NTM: variants seen among roughly 807,000 people sequenced by gnomAD.
The protein encoded by NTM is IgLON family member 2.
A neutral mutation model predicts 42.1 loss-of-function variants in NTM; 13 were observed. The observed-to-expected ratio is 0.31, with a 90% confidence interval of 0.20 to 0.49. The LOEUF (loss-of-function observed/expected upper bound fraction) is 0.49, where lower values mean the gene tolerates loss of function less well. Among genes scored for constraint, NTM ranks in the 20% least tolerant of loss-of-function variants. The pLI is 0.99. For synonymous variants in NTM, 187 were observed against 179.2 expected, an observed-to-expected ratio of 1.04 and a Z score of -0.35; for missense variants, 373 against 452.8, an observed-to-expected ratio of 0.82 and a Z score of 1.60.
At chr11:131,693,068 G>C (rs774267724) in intron 1 of NTM, among the ~76,000 whole-genome samples, 1 of 152,128 alleles carries the variant, frequency 6.6e-6, no homozygotes, top group African/African-American at 2.4e-5. Flanking sequence ...GGGCAGGCCT[G>C]CAGATGGGTG....
intron 1 of NTM, among the ~76,000 whole-genome samples, chr11:131,863,212 G>A (rs189392346): frequency 9.6e-4 from 146 of 152,318 alleles, no homozygotes; most frequent in African/African-American, 3.4e-3. Context: ...TGAAGAAAGG[G>A]GGAACTGGTG....
At chr11:131,532,599 G>A (rs970543516) in intron 1 of NTM, among the ~76,000 whole-genome samples, 1 of 152,150 alleles carries the variant, frequency 6.6e-6, no homozygotes, top group Non-Finnish European at 1.5e-5. Flanking sequence ...GGAAGAGCAG[G>A]GTCAAATGGT....
chr11:132,249,090 T>C (rs2091613058), intron 4 of NTM, among the ~76,000 whole-genome samples: 1 of 152,214 alleles, frequency 6.6e-6, no homozygotes, highest in Non-Finnish European at 1.5e-5. Flanking sequence ...TGACTGCACC[T>C]GTACCTCTGA....
intron 1 of NTM, among the ~76,000 whole-genome samples, chr11:131,390,502 T>C (rs995754466): frequency 6.6e-6 from 1 of 152,194 alleles, no homozygotes; most frequent in Non-Finnish European, 1.5e-5. Context: ...CCCCTACACT[T>C]GACCAGTGAT....
chr11:132,207,278 G>A (rs951790038), intron 3 of NTM, among the ~76,000 whole-genome samples: 17 of 152,132 alleles, frequency 1.1e-4, no homozygotes, highest in Non-Finnish European at 2.2e-4. Context: ...TGTCAGATCA[G>A]TGGCAGCATT....
intron 1 of NTM, among the ~76,000 whole-genome samples, chr11:131,884,272 G>A (rs1444456590): frequency 6.6e-6 from 1 of 152,114 alleles, no homozygotes; most frequent in Non-Finnish European, 1.5e-5. Context: ...AGCCGGACAT[G>A]GTGGTGCATG....
intron 1 of NTM, among the ~76,000 whole-genome samples, chr11:131,451,210 T>A (rs899306873): frequency 3.9e-5 from 6 of 152,206 alleles, no homozygotes; most frequent in Non-Finnish European, 8.8e-5. Context: ...ACTCTATGCC[T>A]ATATCCAAGT....
intron 1 of NTM, among the ~76,000 whole-genome samples, chr11:131,894,555 T>G (rs935900066): frequency 2.6e-5 from 4 of 152,100 alleles, no homozygotes; most frequent in African/African-American, 4.8e-5. Flanking sequence ...GAGAAATCAG[T>G]CAGATGTGCC....
intron 1 of NTM, among the ~76,000 whole-genome samples, chr11:131,411,175 G>A (rs1946359714): frequency 6.6e-6 from 1 of 152,106 alleles, no homozygotes; most frequent in South Asian, 2.1e-4. Flanking sequence ...ACTCCTCCTG[G>A]GGGTTTTAAT....
intron 1 of NTM, among the ~76,000 whole-genome samples, chr11:131,829,495 C>T (rs1480337738): frequency 2.0e-5 from 3 of 152,138 alleles, no homozygotes; most frequent in Non-Finnish European, 4.4e-5. Flanking sequence ...CAGCTGCATA[C>T]ATATTGCTGC....
intron 1 of NTM, among the ~76,000 whole-genome samples, chr11:131,601,543 G>T (rs1355405833): frequency 6.6e-6 from 1 of 151,706 alleles, no homozygotes; most frequent in African/African-American, 2.4e-5. Context: ...AGTTGAAGAG[G>T]GATTAGGGAC....
intron 4 of NTM, among the ~76,000 whole-genome samples, chr11:132,258,409 C>T (rs115022674): frequency 0.015 from 2,212 of 152,100 alleles, 45 homozygotes; most frequent in African/African-American, 0.05. Flanking sequence ...TCTAGGAGGT[C>T]GCTCGATGTT....
chr11:132,117,203 T>C (rs2064027784), intron 2 of NTM, among the ~76,000 whole-genome samples: 1 of 152,274 alleles, frequency 6.6e-6, no homozygotes. Context: ...CCTCTAGCAA[T>C]GCAAATGTTG....
intron 1 of NTM, among the ~76,000 whole-genome samples, chr11:131,667,430 G>C (rs2069266778): frequency 6.6e-6 from 1 of 152,152 alleles, no homozygotes; most frequent in African/African-American, 2.4e-5. Flanking sequence ...GCTCACCCTT[G>C]AATCCACCCT....
chr11:131,442,295 T>C (rs1021457578), intron 1 of NTM, among the ~76,000 whole-genome samples: 5 of 152,220 alleles, frequency 3.3e-5, no homozygotes, highest in Non-Finnish European at 7.3e-5. Context: ...ATAGCAATTG[T>C]GTGATCCATC....
chr11:131,878,600 T>TAC lies in NTM; in HGVS notation c.83-32963_83-32962insCA, dbSNP rs2048950552. On this transcript the variant is annotated intron_variant, in intron 1 of 8. Transcript: ENST00000683400. The stretch of plus-strand genomic sequence containing the variant: ...AAAAAAAAAAAAAAAAAAAAATATA[T>TAC]ATATATATATATATATATATATATA... Among the ~76,000 whole-genome samples the TAC allele has an allele frequency of 2.0e-4, 2 of 9,792 alleles. 1 individual carries two copies. Among genetic ancestry groups the TAC allele is most frequent in the Non-Finnish European group, 3.2e-4 (2 of 6,164 alleles). 6.4% of individuals were successfully genotyped at this position (9,792 alleles called of 152,430 possible).
intron 2 of NTM, among the ~76,000 whole-genome samples, chr11:132,077,830 G>A (rs1017931950): frequency 1.3e-5 from 2 of 152,150 alleles, no homozygotes; most frequent in African/African-American, 4.8e-5. Context: ...CAAACTCCTT[G>A]CCTCAAGCAA....
At chr11:131,994,507 G>A (rs977254639) in intron 2 of NTM, among the ~76,000 whole-genome samples, 3 of 152,218 alleles carry the variant, frequency 2.0e-5, no homozygotes, top group African/African-American at 7.2e-5. Flanking sequence ...ACAAAAACAA[G>A]TGGTATCATT....
chr11:132,081,559 C>T (rs918489749), intron 2 of NTM, among the ~76,000 whole-genome samples: 7 of 152,020 alleles, frequency 4.6e-5, no homozygotes, highest in South Asian at 2.1e-4. Context: ...GGTGAAACCC[C>T]GTCTCTACTA....
Sources: gnomAD v4.1 joint callset for allele counts (sites outside exome capture counted in the v4.1 genomes callset) on GRCh38, gnomAD v4.1.1 for gene constraint, MANE v1.5 for transcripts, NCBI Gene and HGNC (gene_info 2026-07-23, HGNC 2026-07-21) for gene names.